The following GALNT16 variants were observed in gnomAD, a reference collection of about 807,000 sequenced individuals.
The protein encoded by GALNT16 is polypeptide N-acetylgalactosaminyltransferase 16, also known as UDP-GalNAc:polypeptide N-acetylgalactosaminyltransferase-like protein 1.
A neutral mutation model predicts 76.1 loss-of-function variants in GALNT16; 40 were observed. That is an observed-to-expected ratio of 0.53 (90% CI 0.41 to 0.68). The LOEUF (loss-of-function observed/expected upper bound fraction) is 0.68. Ranked by LOEUF, GALNT16 falls within the 30% of genes least tolerant of loss-of-function variation. The pLI is 0.00. For synonymous variants in GALNT16, 276 were observed against 285.2 expected (o/e 0.97, Z 0.32); for missense variants, 621 against 731.9 (o/e 0.85, Z 1.75).
chr14:69,314,780 T>G (rs1237209939), intron 1 of GALNT16, among the ~76,000 whole-genome samples: 1 of 152,158 alleles, frequency 6.6e-6, no homozygotes, highest in Non-Finnish European at 1.5e-5. Flanking sequence ...GGGGAGTGGT[T>G]GGAAATCACA....
the GALNT16 span, among the ~76,000 whole-genome samples, chr14:69,379,734 C>T: frequency 6.6e-6 from 1 of 152,130 alleles, no homozygotes; most frequent in African/African-American, 2.4e-5. Context: ...GCCCTTATAG[C>T]TTCCCTACAG....
intron 4 of GALNT16, 42 bp from the exon 5 acceptor site, chr14:69,325,920 G>C (rs770599230): frequency 1.3e-6 from 2 of 1,514,748 alleles, no homozygotes; most frequent in Non-Finnish European, 1.8e-6. Context: ...GTGGCCTGAT[G>C]CCCATGTCTA....
the GALNT16 span, among the ~76,000 whole-genome samples, chr14:69,362,776 TA>T: frequency 2.6e-5 from 4 of 152,220 alleles, no homozygotes; most frequent in Non-Finnish European, 5.9e-5. Flanking sequence ...TGCTAGACTC[TA>T]AAGCTTTGAA....
the GALNT16 span, among the ~76,000 whole-genome samples, chr14:69,384,052 T>C: frequency 6.6e-6 from 1 of 152,194 alleles, no homozygotes; most frequent in East Asian, 1.9e-4. Context: ...GACATACTTG[T>C]ATATCATTAA....
intron 1 of GALNT16, among the ~76,000 whole-genome samples, chr14:69,300,214 T>C (rs1261856626): frequency 3.3e-5 from 5 of 151,930 alleles, no homozygotes; most frequent in Admixed American, 2.6e-4. Flanking sequence ...AGTGTGTGTG[T>C]GCTACACCCG....
intron 9 of GALNT16, among the ~76,000 whole-genome samples, chr14:69,336,524 T>C (rs1484964594): frequency 1.3e-5 from 2 of 152,140 alleles, no homozygotes; most frequent in Non-Finnish European, 2.9e-5. Flanking sequence ...TGCTCCCTCA[T>C]CTGTTTCAGG....
At chr14:69,286,461 G>A (rs1039134071) in intron 1 of GALNT16, among the ~76,000 whole-genome samples, 3 of 151,930 alleles carry the variant, frequency 2.0e-5, no homozygotes, top group African/African-American at 4.8e-5. Context: ...CTGCCACCAC[G>A]CCTGGCTAAT....
At chr14:69,324,542 G>C in intron 2 of GALNT16, 150 bp from the exon 3 acceptor site, 1 of 491,422 alleles carries the variant, frequency 2.0e-6, no homozygotes, top group South Asian at 3.4e-5. Flanking sequence ...GCAGCATGGG[G>C]GTGGAGGCGC....
At chr14:69,373,548 C>T in the GALNT16 span, among the ~76,000 whole-genome samples, 1 of 152,152 alleles carries the variant, frequency 6.6e-6, no homozygotes, top group Non-Finnish European at 1.5e-5. Flanking sequence ...AAAGGGTATG[C>T]TAGATATGTT....
At chr14:69,298,425 G>A (rs2331959) in intron 1 of GALNT16, 57,771 of 152,262 alleles carry the variant, frequency 0.38, 11,777 homozygotes, top group East Asian at 0.65. Context: ...CCCCTCTGGC[G>A]GGAGTCATCT....
intron 1 of GALNT16, among the ~76,000 whole-genome samples, chr14:69,277,680 A>G (rs2140111981): frequency 6.6e-6 from 1 of 152,332 alleles, no homozygotes; most frequent in African/African-American, 2.4e-5. Flanking sequence ...GCCACAATAA[A>G]CATACGTGTG....
At chr14:69,281,348 T>G (rs2044539004) in intron 1 of GALNT16, among the ~76,000 whole-genome samples, 1 of 152,140 alleles carries the variant, frequency 6.6e-6, no homozygotes, top group South Asian at 2.1e-4. Context: ...AGTGCTAGGA[T>G]ATACAGCAGA....
Position 69,328,470 on chromosome 14 carries a change from C to T in GALNT16, c.589C>T (p.Arg197Cys). The change falls in exon 6 of 15, where the codon CGT becomes TGT. Residue 197 changes from arginine (R) to cysteine (C), a missense_variant. Transcript: ENST00000448469. Reference protein sequence around the residue: ...RREGLIRSRVRGADVAAATVL... With the variant: ...RREGLIRSRVCGADVAAATVL... ...TGTAGGGCTGATCCGGTCCCGAGTG[C>T]GTGGGGCGGACGTGGCTGCAGCTAC... 3 of 1,613,968 alleles carry T rather than the reference C, an allele frequency of 1.9e-6. No homozygotes were observed. Among genetic ancestry groups the T allele is most frequent in the Middle Eastern group, 1.7e-4 (1 of 6,050 alleles).
At chr14:69,289,346 C>T (rs2089815286) in intron 1 of GALNT16, among the ~76,000 whole-genome samples, 2 of 152,066 alleles carry the variant, frequency 1.3e-5, no homozygotes, top group Non-Finnish European at 2.9e-5. Flanking sequence ...GCACAACTAA[C>T]TGAAGTCATC....
intron 12 of GALNT16, among the ~76,000 whole-genome samples, chr14:69,342,464 A>AGAAG (rs1269552241): frequency 9.3e-5 from 4 of 42,996 alleles, no homozygotes; most frequent in East Asian, 8.9e-4. Flanking sequence ...GGAAGGTGGA[A>AGAAG]GAAGGAAGGA....
intron 3 of GALNT16, 124 bp downstream of exon 3, chr14:69,324,914 A>G (rs2045259287): frequency 1.3e-5 from 8 of 600,942 alleles, no homozygotes; most frequent in Non-Finnish European, 2.3e-5. Flanking sequence ...TACTTCTGAG[A>G]GGCTGAGACT....
chr14:69,300,925 A>G (rs943739902), intron 1 of GALNT16, among the ~76,000 whole-genome samples: 1 of 152,306 alleles, frequency 6.6e-6, no homozygotes, highest in Admixed American at 6.5e-5. Context: ...AATGCTTTTC[A>G]GCGGTACTCA....
chr14:69,324,731 C>A lies in GALNT16; in HGVS notation c.375C>A (p.Thr125=), dbSNP rs373186475. ...SVSYSSDLPA[T]SVIITFHNEA... The stretch of plus-strand genomic sequence containing the variant: ...CCTACTCCTCGGACCTGCCAGCCAC[C>A]AGCGTCATCATCACCTTCCACAATG... Residue 125 remains threonine (T), a synonymous_variant, in exon 3 of 15, where the codon ACC becomes ACA. Transcript: ENST00000448469. The A allele has an allele frequency of 6.2e-7, 1 of 1,613,228 alleles. No individual in the cohort carries two copies. The highest frequency in any genetic ancestry group is 8.5e-7 in the Non-Finnish European group (1 of 1,179,434).
At chr14:69,377,542 T>G in the GALNT16 span, among the ~76,000 whole-genome samples, 18 of 152,024 alleles carry the variant, frequency 1.2e-4, no homozygotes, top group Non-Finnish European at 2.1e-4. Flanking sequence ...TGCAGTGGTT[T>G]ATGCCTGTAA....
Sources: gnomAD v4.1 joint callset for allele counts (sites outside exome capture counted in the v4.1 genomes callset) on GRCh38, gnomAD v4.1.1 for gene constraint, MANE v1.5 for transcripts, NCBI Gene and HGNC (gene_info 2026-07-23, HGNC 2026-07-21) for gene names.